ITSN2: variants seen among roughly 807,000 people sequenced by gnomAD.
ITSN2 encodes the protein intersectin-2.
In ITSN2, 156 loss-of-function variants were observed where a neutral mutation model predicts 243.7. That is an observed-to-expected ratio of 0.64 (90% CI 0.56 to 0.73). The LOEUF (loss-of-function observed/expected upper bound fraction) is 0.73. Ranked by LOEUF, ITSN2 falls within the 30% of genes least tolerant of loss-of-function variation. ITSN2 has a pLI of 0.00. For synonymous variants in ITSN2, 703 were observed against 699.9 expected, an observed-to-expected ratio of 1.00 and a Z score of -0.07; for missense variants, 1,801 against 1,996.1, an observed-to-expected ratio of 0.90 and a Z score of 1.86.
At position 24,309,442 on chromosome 2, in the gene ITSN2, C is replaced by T. The variant is rs372749195; in HGVS notation, c.654-686G>A. Among the ~76,000 whole-genome samples, 129 of 152,304 alleles carry T rather than the reference C, an allele frequency of 8.5e-4. No individual in the cohort carries two copies. The South Asian group carries it at 0.019, about 22-fold the overall frequency. On this transcript the variant is annotated intron_variant, in intron 7 of 39. Coordinates refer to ENST00000355123, the MANE Select transcript of ITSN2 (RefSeq NM_006277.3). ...CTCGAACTCCTGAGCTCAGGCAATC[C>T]GCCCACCTCAGCCTCCCAAAGTGCT...
In ITSN2 at chr2:24,271,905, T is replaced by C; in HGVS notation, c.2118A>G (p.Glu706=). 6.3e-7 allele frequency: 1 copy of C among 1,590,260 alleles called. No individual in the cohort carries two copies. Among genetic ancestry groups the C allele is most frequent in the Admixed American group, 1.8e-5 (1 of 55,430 alleles). The change falls in exon 19 of 40, where the codon GAA becomes GAG. Residue 706 remains glutamate (E), a synonymous_variant. Coordinates refer to ENST00000355123, the MANE Select transcript of ITSN2 (RefSeq NM_006277.3). ...AKQGKENLWK[E]NLRKEEEEKQ... is the part of the protein sequence containing the mutation. ...TTTCTTCTTCCTCCTTTCTAAGATT[T>C]TCTTTCCATAAGTTTTCTTTTCCTT...
At chr2:24,324,336 C>T (rs190389480) in intron 2 of ITSN2, among the ~76,000 whole-genome samples, 297 of 152,124 alleles carry the variant, frequency 2.0e-3, no homozygotes, top group African/African-American at 6.8e-3. Context: ...TACTGCTATC[C>T]TAAGACAAAA....
chr2:24,235,568 T>C (rs2151221971), intron 29 of ITSN2, among the ~76,000 whole-genome samples: 1 of 152,316 alleles, frequency 6.6e-6, no homozygotes, highest in East Asian at 1.9e-4. Flanking sequence ...AGGCTATGCC[T>C]GTGTCGGGGC....
At chr2:24,339,555 G>C (rs1019973983) in intron 1 of ITSN2, among the ~76,000 whole-genome samples, 1 of 152,028 alleles carries the variant, frequency 6.6e-6, no homozygotes, top group African/African-American at 2.4e-5. Context: ...GTTTCAAGGA[G>C]GTACAACAGA....
Position 24,301,257 on chromosome 2 carries a change from C to T in ITSN2, c.996-18G>A, listed in dbSNP as rs201257635. The T allele has an allele frequency of 6.7e-7, 1 of 1,500,948 alleles. No individual in the cohort carries two copies. Among genetic ancestry groups the T allele is most frequent in the Admixed American group, 1.7e-5 (1 of 58,556 alleles). The allele number at this position is 1,500,948 out of a possible 1,614,324, so 93.0% of individuals were successfully genotyped here. On this transcript the variant is annotated intron_variant, in intron 10 of 39. Transcript: ENST00000355123. ...TTCCTCCTCTAAAAAAATCAAACAA[C>T]AAAGTTAGCATCATGTAGTCTGGAC...
chr2:24,211,146 G>A lies in ITSN2; in HGVS notation c.4090-199C>T, dbSNP rs983396631. 1.1e-4 allele frequency among the ~76,000 whole-genome samples: 16 copies of A among 152,228 alleles called. No individual in the cohort carries two copies. The highest frequency in any genetic ancestry group is 3.6e-4 in the African/African-American group (15 of 41,464). ...TCTTGGGGACACAGGGACAGGTAAC[G>A]CTGCTGTGACAAGGTGACAGTGCTA... On this transcript the variant is annotated intron_variant, in intron 33 of 39. Transcript: ENST00000355123. The surrounding 1 kb of genome is among the most constrained non-coding windows in gnomAD (Gnocchi z 4.1).
chr2:24,246,330 G>C lies in ITSN2; in HGVS notation c.3386-10C>G. On this transcript the variant is annotated splice_polypyrimidine_tract_variant and intron_variant, in intron 28 of 39. Transcript: ENST00000355123. ...GCAATCACCTGACATACTATCACAA[G>C]AATAACAAAATAACACATTAAACAA... is the stretch of plus-strand genomic sequence containing the variant. 6.4e-7 allele frequency: 1 copy of C among 1,560,670 alleles called. No individual in the cohort carries two copies. Among genetic ancestry groups the C allele is most frequent in the Non-Finnish European group, 8.8e-7 (1 of 1,138,694 alleles).
At chr2:24,306,602 C>T (rs1392772058) in intron 8 of ITSN2, among the ~76,000 whole-genome samples, 1 of 152,126 alleles carries the variant, frequency 6.6e-6, no homozygotes, top group African/African-American at 2.4e-5. Context: ...ATTCTCCTGT[C>T]GATGAACATT....
chr2:24,323,358 A>G (rs1479222666), intron 2 of ITSN2, among the ~76,000 whole-genome samples: 1 of 152,028 alleles, frequency 6.6e-6, no homozygotes, highest in Non-Finnish European at 1.5e-5. Flanking sequence ...GAATGGATAA[A>G]TAAATTGTGG....
chr2:24,255,057 G>A (rs947807489), intron 23 of ITSN2, among the ~76,000 whole-genome samples: 1 of 152,094 alleles, frequency 6.6e-6, no homozygotes, highest in Non-Finnish European at 1.5e-5. Context: ...ACAACTGAAT[G>A]GACTGTCTTG....
At chr2:24,337,315 A>ATATATATATATATACATAT (rs1686498327) in intron 1 of ITSN2, among the ~76,000 whole-genome samples, 1 of 32,026 alleles carries the variant, frequency 3.1e-5, no homozygotes, top group Non-Finnish European at 5.7e-5. Flanking sequence ...GTATACACAA[A>ATATATATATATATACATAT]ATATATATAT....
chr2:24,346,778 A>G (rs1687571085), intron 1 of ITSN2, among the ~76,000 whole-genome samples: 1 of 152,174 alleles, frequency 6.6e-6, no homozygotes, highest in Non-Finnish European at 1.5e-5. Context: ...CAGAAGTAGA[A>G]GAGTATAGGT....
Position 24,296,827 on chromosome 2 carries a change from A to G in ITSN2, c.1495-1023T>C, listed in dbSNP as rs796495741. On this transcript the variant is annotated intron_variant, in intron 13 of 39. Transcript: ENST00000355123. ...CTGATGATGAAAAGTTTTACTGAAGACTGTTTCATATTTGAAATACATACA... is the reference window on the plus strand; with the variant it reads ...CTGATGATGAAAAGTTTTACTGAAGGCTGTTTCATATTTGAAATACATACA... 5.9e-5 allele frequency among the ~76,000 whole-genome samples: 9 copies of G among 152,336 alleles called. 1 individual carries two copies. The highest frequency in any genetic ancestry group is 2.2e-4 in the African/African-American group (9 of 41,572).
At chr2:24,291,760 T>C (rs1415632315) in intron 15 of ITSN2, among the ~76,000 whole-genome samples, 2 of 152,214 alleles carry the variant, frequency 1.3e-5, no homozygotes, top group African/African-American at 4.8e-5. Flanking sequence ...AGTGCTAGGA[T>C]TGCAGGCATG....
At chr2:24,288,197 G>A (rs1039901526) in intron 15 of ITSN2, among the ~76,000 whole-genome samples, 3 of 152,050 alleles carry the variant, frequency 2.0e-5, no homozygotes, top group Non-Finnish European at 2.9e-5. Flanking sequence ...TGATTTTTGA[G>A]TATGGTATAA....
At chr2:24,294,749 T>C (rs1430100391) in intron 14 of ITSN2, among the ~76,000 whole-genome samples, 1 of 152,184 alleles carries the variant, frequency 6.6e-6, no homozygotes, top group Non-Finnish European at 1.5e-5. Context: ...CTTATTTTAA[T>C]GTATGATATG....
rs575882999 is a variant in ITSN2, at chr2:24,209,179, G to A, written c.4516C>T (p.Pro1506Ser). 3.7e-6 allele frequency: 6 copies of A among 1,613,880 alleles called. No homozygotes were observed. The South Asian group carries it at 4.4e-5, about 12-fold the overall frequency. Residue 1506 changes from proline (P) to serine (S), a missense_variant, in exon 36 of 40, where the codon CCT becomes TCT. Transcript: ENST00000355123. ...TGGAAGACAGGCTCATCGCTGGAAG[G>A]GTCTGTGGGCAGTTTCACCAAGACT... ...NEVLVKLPTD[P>S]SSDEPVFHIS...
rs1669496010 is a variant in ITSN2 at position 24,211,530 on chromosome 2, G to A, written c.4090-583C>T. ...AACGCGCAGAGGCCAGAATACAAACGTGTGTGGTCCCTCCAGAAATTAGGA... is the reference window on the plus strand; with the variant it reads ...AACGCGCAGAGGCCAGAATACAAACATGTGTGGTCCCTCCAGAAATTAGGA... On this transcript the variant is annotated intron_variant, in intron 33 of 39. Coordinates refer to ENST00000355123, the MANE Select transcript of ITSN2 (RefSeq NM_006277.3). The surrounding 1 kb of genome is among the most constrained non-coding windows in gnomAD (Gnocchi z 4.1). Among the ~76,000 whole-genome samples, 3 of 152,308 alleles carry A rather than the reference G, an allele frequency of 2.0e-5. No homozygotes were observed. In the South Asian group the frequency reaches 6.2e-4, roughly 32 times the overall value.
intron 20 of ITSN2, among the ~76,000 whole-genome samples, chr2:24,270,310 C>T (rs1478171870): frequency 6.6e-6 from 1 of 152,172 alleles, no homozygotes; most frequent in Non-Finnish European, 1.5e-5. Context: ...GAACAAATTG[C>T]CTGTATCCAG....
Sources: gnomAD v4.1 joint callset for allele counts (sites outside exome capture counted in the v4.1 genomes callset) on GRCh38, gnomAD v4.1.1 for gene constraint, Gnocchi (gnomAD v3.1) non-coding constraint, MANE v1.5 for transcripts, NCBI Gene and HGNC (gene_info 2026-07-23, HGNC 2026-07-21) for gene names.